The following ADAMTSL1 variants were observed in gnomAD, a reference collection of about 807,000 sequenced individuals.
ADAMTSL1 encodes ADAMTS-like protein 1.
In ADAMTSL1, 126 loss-of-function variants were observed where a neutral mutation model predicts 201.8. The observed-to-expected ratio is 0.62, with a 90% CI of 0.54 to 0.72. The LOEUF is 0.72. ADAMTSL1 is among the 30% of genes least tolerant of loss of function. The pLI is 0.00. For missense variants in ADAMTSL1, 2,679 were observed against 2,277.8 expected, an observed-to-expected ratio of 1.18 and a Z score of -3.59; for synonymous variants, 1,121 against 903.4, an observed-to-expected ratio of 1.24 and a Z score of -4.32.
chr9:18,131,024 A>G (rs934610440), intron 1 of ADAMTSL1, among the ~76,000 whole-genome samples: 5 of 152,178 alleles, frequency 3.3e-5, no homozygotes, highest in African/African-American at 1.2e-4. Flanking sequence ...CAATGTCCCC[A>G]TGGTATAACT....
chr9:18,877,258 C>T (rs1828222154), intron 23 of ADAMTSL1, among the ~76,000 whole-genome samples: 1 of 152,130 alleles, frequency 6.6e-6, no homozygotes, highest in African/African-American at 2.4e-5. Flanking sequence ...GAGATTTCTT[C>T]TGGGTTTGGA....
chr9:18,121,900 TC>T (rs1409565755), intron 1 of ADAMTSL1, among the ~76,000 whole-genome samples: 2 of 152,062 alleles, frequency 1.3e-5, no homozygotes, highest in East Asian at 3.9e-4. Context: ...CTCCAAAAGA[TC>T]CCTTGTACCA....
intron 2 of ADAMTSL1, among the ~76,000 whole-genome samples, chr9:18,269,382 A>T (rs1232355340): frequency 6.6e-6 from 1 of 152,146 alleles, no homozygotes; most frequent in Non-Finnish European, 1.5e-5. Context: ...ATCTGCATGG[A>T]TTTCTTGAGA....
At chr9:18,631,900 G>A (rs1351755953) in intron 5 of ADAMTSL1, among the ~76,000 whole-genome samples, 1 of 152,182 alleles carries the variant, frequency 6.6e-6, no homozygotes, top group Non-Finnish European at 1.5e-5. Flanking sequence ...GGTATCTGAA[G>A]CAGATCATTT....
chr9:18,034,089 C>A (rs1821092028), intron 1 of ADAMTSL1, among the ~76,000 whole-genome samples: 1 of 152,046 alleles, frequency 6.6e-6, no homozygotes, highest in Non-Finnish European at 1.5e-5. Flanking sequence ...TCAATTGTTT[C>A]CTTATATCTC....
At chr9:18,219,496 G>A (rs1830177088) in intron 2 of ADAMTSL1, among the ~76,000 whole-genome samples, 1 of 151,944 alleles carries the variant, frequency 6.6e-6, no homozygotes, top group African/African-American at 2.4e-5. Context: ...AGCCTCCTGA[G>A]TAGTTGGGAT....
At chr9:18,694,264 C>T (rs1587917052) in intron 13 of ADAMTSL1, among the ~76,000 whole-genome samples, 1 of 152,086 alleles carries the variant, frequency 6.6e-6, no homozygotes, top group South Asian at 2.1e-4. Flanking sequence ...TCATCCTGCC[C>T]CTGGCCCCTC....
chr9:18,270,227 G>T (rs1054591862), intron 2 of ADAMTSL1, among the ~76,000 whole-genome samples: 1 of 152,052 alleles, frequency 6.6e-6, no homozygotes, highest in African/African-American at 2.4e-5. Context: ...CAAGGTAGAA[G>T]GGACTAGTTA....
intron 1 of ADAMTSL1, among the ~76,000 whole-genome samples, chr9:18,069,535 C>G (rs568285914): frequency 6.6e-6 from 1 of 152,150 alleles, no homozygotes. Context: ...TGTTTTAATG[C>G]TGGTTACAAC....
At chr9:18,691,762 C>T (rs1054944135) in intron 13 of ADAMTSL1, among the ~76,000 whole-genome samples, 2 of 152,160 alleles carry the variant, frequency 1.3e-5, no homozygotes, top group Non-Finnish European at 1.5e-5. Flanking sequence ...CATTTAACCC[C>T]ATATGCCTCC....
intron 1 of ADAMTSL1, among the ~76,000 whole-genome samples, chr9:18,480,515 T>A (rs2131803765): frequency 6.6e-6 from 1 of 152,338 alleles, no homozygotes; most frequent in Admixed American, 6.5e-5. Flanking sequence ...TCTCACAGAC[T>A]TACACTGTGA....
At chr9:17,929,336 A>G (rs1324187395) in intron 1 of ADAMTSL1, among the ~76,000 whole-genome samples, 2 of 151,850 alleles carry the variant, frequency 1.3e-5, no homozygotes, top group African/African-American at 4.8e-5. Context: ...CCCCCATGAA[A>G]TCTTAACACA....
At chr9:18,061,825 T>C (rs1057033169) in intron 1 of ADAMTSL1, among the ~76,000 whole-genome samples, 1 of 152,230 alleles carries the variant, frequency 6.6e-6, no homozygotes, top group Non-Finnish European at 1.5e-5. Context: ...ATAGATAAAG[T>C]GCATTGGCGG....
chr9:18,324,955 C>T (rs1173069716), intron 2 of ADAMTSL1, among the ~76,000 whole-genome samples: 1 of 152,078 alleles, frequency 6.6e-6, no homozygotes, highest in African/African-American at 2.4e-5. Context: ...AAACACTTCA[C>T]AGCGAAAGAT....
At chr9:18,657,510 T>C (rs1828768384) in intron 7 of ADAMTSL1, 129 bp from the exon 8 acceptor site, 2 of 638,294 alleles carry the variant, frequency 3.1e-6, no homozygotes, top group Non-Finnish European at 5.6e-6. Flanking sequence ...CATTGCCACT[T>C]CTCCCGCAGT....
chr9:17,938,612 C>A (rs916674996), intron 1 of ADAMTSL1, among the ~76,000 whole-genome samples: 2 of 152,112 alleles, frequency 1.3e-5, no homozygotes, highest in Non-Finnish European at 2.9e-5. Flanking sequence ...AAGTAGAAAA[C>A]TGCAGAAAGT....
At chr9:18,718,076 T>C in intron 14 of ADAMTSL1, 1 of 1,465,568 alleles carries the variant, frequency 6.8e-7, no homozygotes. Flanking sequence ...AACATTTATT[T>C]TGAATTTTGT....
At chr9:18,699,313 T>C (rs551212247) in intron 13 of ADAMTSL1, among the ~76,000 whole-genome samples, 2 of 149,008 alleles carry the variant, frequency 1.3e-5, no homozygotes, top group African/African-American at 5.0e-5. Context: ...TTTTGCTGGG[T>C]TTTTTACTTT....
chr9:18,717,392 A>G (rs1415747430), intron 14 of ADAMTSL1, among the ~76,000 whole-genome samples: 3 of 152,022 alleles, frequency 2.0e-5, no homozygotes, highest in Non-Finnish European at 4.4e-5. Context: ...TATTTTAAAG[A>G]CAAGATCACT....
Sources: allele counts gnomAD v4.1 joint callset (sites outside exome capture counted in the v4.1 genomes callset), GRCh38; gene constraint gnomAD v4.1.1; transcripts MANE v1.5; gene names NCBI Gene and HGNC (gene_info 2026-07-23, HGNC 2026-07-21).